Variants in NRROS observed in about 807,000 individuals in gnomAD.
The protein encoded by NRROS is transforming growth factor beta activator LRRC33.
NRROS carries 6 observed loss-of-function variants against 12.0 expected under a neutral mutation model. That is an observed-to-expected ratio of 0.50 (90% CI 0.27 to 0.98). The LOEUF (loss-of-function observed/expected upper bound fraction) is 0.98. NRROS is among the 50% of genes least tolerant of loss of function. NRROS has a pLI of 0.11. For synonymous variants in NRROS, 462 were observed against 410.2 expected (o/e 1.13, Z -1.53); for missense variants, 857 against 888.2 (o/e 0.96, Z 0.45).
chr3:196,640,123 C>A (rs1737180470), intron 1 of NRROS, among the ~76,000 whole-genome samples: 1 of 152,196 alleles, frequency 6.6e-6, no homozygotes, highest in Admixed American at 6.5e-5. Context: ...GGTGGTGCGA[C>A]GTAGTGGAAA....
At chr3:196,647,351 A>G (rs536281586) in intron 1 of NRROS, among the ~76,000 whole-genome samples, 1 of 152,310 alleles carries the variant, frequency 6.6e-6, no homozygotes, top group Admixed American at 6.5e-5. Context: ...AAGTCAAAAC[A>G]ATTGTATTGT....
In NRROS at chr3:196,640,832, G is replaced by C. The variant is rs370066424; in HGVS notation, c.-14+957G>C. On this transcript the variant is annotated intron_variant, in intron 1 of 2. Coordinates refer to ENST00000328557, the MANE Select transcript of NRROS (RefSeq NM_198565.3). ...GGACAGGGCTGGTCGGGGCTGCTGT[G>C]CTTCCCTAGGGGCTGAGGGGACCCC... Among the ~76,000 whole-genome samples, 15 of 152,294 alleles carry C rather than the reference G, an allele frequency of 9.8e-5. No individual in the cohort carries two copies. The East Asian group carries it at 2.9e-3, about 29-fold the overall frequency.
intron 1 of NRROS, among the ~76,000 whole-genome samples, chr3:196,653,612 T>C (rs1332189724): frequency 6.6e-6 from 1 of 152,196 alleles, no homozygotes; most frequent in Non-Finnish European, 1.5e-5. Flanking sequence ...CAGCAGTGAG[T>C]GCAGCCTCGC....
intron 2 of NRROS, among the ~76,000 whole-genome samples, chr3:196,658,318 CAG>C (rs1444175666): frequency 6.6e-6 from 1 of 152,194 alleles, no homozygotes; most frequent in Non-Finnish European, 1.5e-5. Context: ...AGACATGGAA[CAG>C]AAGGTGACTG....
chr3:196,658,843 G>A (rs535274672), intron 2 of NRROS, among the ~76,000 whole-genome samples: 3 of 152,118 alleles, frequency 2.0e-5, no homozygotes, highest in East Asian at 1.9e-4. Flanking sequence ...GGTGGCATGT[G>A]CCTGTAATCC....
Position 196,661,330 on chromosome 3 carries a change from C to A in NRROS, c.1687C>A (p.Leu563Met), listed in dbSNP as rs1264453595. ...RFGGSLALET[L>M]DLRRNSLTAL... The stretch of plus-strand genomic sequence containing the variant: ...TGGGGGCAGCCTGGCCCTGGAGACC[C>A]TGGATCTCCGTAGAAACTCGCTCAC... Residue 563 changes from leucine to methionine, a missense_variant, in exon 3 of 3, where the codon CTG (leucine) becomes ATG (methionine). By Grantham distance (15) the Leu-to-Met change is conservative. Coordinates refer to ENST00000328557, the MANE Select transcript of NRROS (RefSeq NM_198565.3). 2 of 1,594,302 alleles carry A rather than the reference C, an allele frequency of 1.3e-6. No homozygotes were observed. The highest frequency in any genetic ancestry group is 2.3e-5 in the South Asian group (2 of 88,280).
chr3:196,646,747 C>A (rs1400024111), intron 1 of NRROS, among the ~76,000 whole-genome samples: 1 of 152,200 alleles, frequency 6.6e-6, no homozygotes, highest in Non-Finnish European at 1.5e-5. Flanking sequence ...AGAGCCTCAT[C>A]CATTCCCAGA....
In NRROS at chr3:196,660,168, C is replaced by G. The variant is rs147524657; in HGVS notation, c.525C>G (p.Ser175=). 6.2e-7 allele frequency: 1 copy of G among 1,612,882 alleles called. No individual in the cohort carries two copies. The highest frequency in any genetic ancestry group is 1.3e-5 in the African/African-American group (1 of 74,938). Residue 175 remains serine, a synonymous_variant, in exon 3 of 3, where the codon TCC becomes TCG. Coordinates refer to ENST00000328557, the MANE Select transcript of NRROS (RefSeq NM_198565.3). The surrounding 1 kb of genome is among the most constrained non-coding windows in gnomAD (Gnocchi z 7.7). The part of the protein sequence containing the change: ...AGNTIMRLDD[S]VFEGLERLRE... Reference sequence around the variant, plus strand: ...ACACCATCATGCGGCTGGACGACTCCGTCTTCGAGGGCCTGGAGCGTCTCC... The same window carrying G: ...ACACCATCATGCGGCTGGACGACTCGGTCTTCGAGGGCCTGGAGCGTCTCC...
At position 196,660,827 on chromosome 3, in the gene NRROS, C is replaced by A. The variant is rs137985437; in HGVS notation, c.1184C>A (p.Pro395Gln). The change falls in exon 3 of 3, where the codon CCG becomes CAG. Residue 395 changes from proline (P) to glutamine (Q), a missense_variant. Pro to Gln is a moderately conservative substitution (Grantham distance 76). Transcript: ENST00000328557. This position sits in a 1 kb window ranked among gnomAD's most constrained non-coding sequence, Gnocchi z 7.7. ...CAGCTGTCGGAGCTGCACCTGGCTC[C>A]GGGGCTGGCCAGCTGCCTGGGCAGC... ...HNQLSELHLA[P>Q]GLASCLGSLR... The A allele has an allele frequency of 6.2e-7, 1 of 1,613,652 alleles. No homozygotes were observed. The highest frequency in any genetic ancestry group is 1.7e-5 in the Admixed American group (1 of 60,028).
At chr3:196,648,766 CAAAAAAA>C (rs34359599) in intron 1 of NRROS, among the ~76,000 whole-genome samples, 22 of 74,814 alleles carry the variant, frequency 2.9e-4, no homozygotes, top group Admixed American at 5.4e-4. Context: ...AACTCCATCT[CAAAAAAA>C]AAAAAAAAAA....
chr3:196,649,479 C>T (rs938213502), intron 1 of NRROS, among the ~76,000 whole-genome samples: 1 of 149,646 alleles, frequency 6.7e-6, no homozygotes, highest in Non-Finnish European at 1.5e-5. Flanking sequence ...TTGTTTCTCT[C>T]TTTTTTTTTT....
chr3:196,652,690 T>C (rs1737452971), intron 1 of NRROS, among the ~76,000 whole-genome samples: 1 of 152,200 alleles, frequency 6.6e-6, no homozygotes, highest in South Asian at 2.1e-4. Context: ...ATGCCCCTCC[T>C]GAGTGTGACA....
intron 1 of NRROS, among the ~76,000 whole-genome samples, chr3:196,649,038 T>C (rs1443904964): frequency 6.6e-6 from 1 of 152,182 alleles, no homozygotes; most frequent in African/African-American, 2.4e-5. Context: ...CCCTGTTTCC[T>C]AAGTCATCAC....
chr3:196,645,850 T>C (rs1737297894), intron 1 of NRROS, among the ~76,000 whole-genome samples: 1 of 152,100 alleles, frequency 6.6e-6, no homozygotes, highest in African/African-American at 2.4e-5. Context: ...ACGCTGCAGC[T>C]CCCAGGGGTG....
At chr3:196,640,651 T>G (rs1361281575) in intron 1 of NRROS, among the ~76,000 whole-genome samples, 1 of 151,994 alleles carries the variant, frequency 6.6e-6, no homozygotes, top group Non-Finnish European at 1.5e-5. Context: ...TCTGAAGGGG[T>G]CAGCGTACTT....
At chr3:196,656,418 C>G (rs1003683528) in intron 2 of NRROS, among the ~76,000 whole-genome samples, 9 of 152,156 alleles carry the variant, frequency 5.9e-5, no homozygotes, top group African/African-American at 2.2e-4. Context: ...CCACCCTTAG[C>G]TGGTGACATT....
At chr3:196,641,504 C>T (rs989908776) in intron 1 of NRROS, among the ~76,000 whole-genome samples, 3 of 152,286 alleles carry the variant, frequency 2.0e-5, no homozygotes, top group East Asian at 1.9e-4. Context: ...CGTGAGTCAC[C>T]GCCCCCAGCT....
chr3:196,651,186 AAG>A (rs1737417637), intron 1 of NRROS, among the ~76,000 whole-genome samples: 1 of 152,174 alleles, frequency 6.6e-6, no homozygotes, highest in African/African-American at 2.4e-5. Flanking sequence ...ACACTCTACG[AAG>A]AGTGTTTCTC....
At position 196,661,821 on chromosome 3, in the gene NRROS, T is replaced by C. The variant is rs2108644850; in HGVS notation, c.*99T>C. 9.3e-7 allele frequency: 1 copy of C among 1,072,026 alleles called. No homozygotes were observed. The highest frequency in any genetic ancestry group is 1.3e-6 in the Non-Finnish European group (1 of 762,476). The allele number at this position is 1,072,026 out of a possible 1,614,324, so 66.4% of individuals were successfully genotyped here. A position where few individuals can be genotyped will look rare whatever the true frequency, so the allele number is the denominator to read the frequency against. ...GATGCAGAGGCCAAGTCTGACGAATTGAAGTTTCAATTAAAATTTAATATG... is the reference window on the plus strand; with the variant it reads ...GATGCAGAGGCCAAGTCTGACGAATCGAAGTTTCAATTAAAATTTAATATG... On this transcript the variant is annotated 3_prime_UTR_variant, in exon 3 of 3. Coordinates refer to ENST00000328557, the MANE Select transcript of NRROS (RefSeq NM_198565.3).
Sources: gnomAD v4.1 joint callset for allele counts (sites outside exome capture counted in the v4.1 genomes callset) on GRCh38, gnomAD v4.1.1 for gene constraint, Gnocchi (gnomAD v3.1) non-coding constraint, MANE v1.5 for transcripts, NCBI Gene and HGNC (gene_info 2026-07-23, HGNC 2026-07-21) for gene names.